GRAMD4: variants seen among roughly 807,000 people sequenced by gnomAD.
GRAMD4 encodes GRAM domain-containing protein 4.
A neutral mutation model predicts 83.9 loss-of-function variants in GRAMD4; 25 were observed. That is an observed-to-expected ratio of 0.30 (90% CI 0.22 to 0.42). The LOEUF is 0.42. Among genes scored for constraint, GRAMD4 ranks in the 10% least tolerant of loss-of-function variants. The pLI is 1.00. For missense variants in GRAMD4, 593 were observed against 788.7 expected (o/e 0.75, Z 2.97); for synonymous variants, 336 against 320.9 (o/e 1.05, Z -0.50).
At position 46,621,446 on chromosome 22, in the gene GRAMD4, G is replaced by A. The variant is rs547116211; in HGVS notation, c.-50+881G>A. ...GGGGGCTGCCCATGTGGCCGTGGAG[G>A]GCACCCCTACCCCGGTGCAGGCGCA... On this transcript the variant is annotated intron_variant, in intron 1 of 18. Coordinates refer to ENST00000406902, the MANE Select transcript of GRAMD4 (RefSeq NM_015124.5). This position sits in a 1 kb window ranked among gnomAD's most constrained non-coding sequence, Gnocchi z 5.8. Among the ~76,000 whole-genome samples, 9 of 152,292 alleles carry A rather than the reference G, an allele frequency of 5.9e-5. No individual in the cohort carries two copies. The highest frequency in any genetic ancestry group is 2.2e-4 in the African/African-American group (9 of 41,554).
chr22:46,664,522 C>G (rs1207592053), intron 8 of GRAMD4, among the ~76,000 whole-genome samples: 1 of 152,232 alleles, frequency 6.6e-6, no homozygotes, highest in African/African-American at 2.4e-5. Context: ...CCAGCCCAGC[C>G]CCTGTGAGCC....
intron 2 of GRAMD4, among the ~76,000 whole-genome samples, chr22:46,628,291 C>T (rs2081702965): frequency 6.6e-6 from 1 of 152,240 alleles, no homozygotes; most frequent in African/African-American, 2.4e-5. Flanking sequence ...GCCTGAGGGA[C>T]CCTGTGAGTA....
At position 46,644,708 on chromosome 22, in the gene GRAMD4, T is replaced by G. The variant is rs1423195462; in HGVS notation, c.283+6748T>G. ...TCCACTTGTTCCCTGTTTTTTTTTT[T>G]TTTTTTTTTTTTTTTTTTTTTTTTT... On this transcript the variant is annotated intron_variant, in intron 3 of 18. Coordinates refer to ENST00000406902, the MANE Select transcript of GRAMD4 (RefSeq NM_015124.5). Among the ~76,000 whole-genome samples the G allele has an allele frequency of 2.3e-3, 137 of 59,546 alleles. 1 individual carries two copies. The highest frequency in any genetic ancestry group is 3.6e-3 in the Non-Finnish European group (101 of 28,198). 39.1% of individuals were successfully genotyped at this position (59,546 alleles called of 152,430 possible). A position where few individuals can be genotyped will look rare whatever the true frequency, so the allele number is the denominator to read the frequency against.
intron 2 of GRAMD4, among the ~76,000 whole-genome samples, chr22:46,634,854 A>G (rs949225309): frequency 1.2e-4 from 18 of 152,028 alleles, no homozygotes; most frequent in African/African-American, 2.4e-5. Context: ...GAGGCAGGAG[A>G]ATCGCTTGAA....
upstream of GRAMD4, among the ~76,000 whole-genome samples, chr22:46,576,800 T>C (rs2081045649): frequency 7.4e-6 from 1 of 135,530 alleles, no homozygotes; most frequent in African/African-American, 2.8e-5. Flanking sequence ...CTCCCGCGGG[T>C]GAGCCCGTGG....
intron 1 of GRAMD4, among the ~76,000 whole-genome samples, chr22:46,588,542 C>G (rs1383224657): frequency 6.6e-6 from 1 of 152,212 alleles, no homozygotes; most frequent in Non-Finnish European, 1.5e-5. Context: ...ACGTTCTAAG[C>G]TTTTACAAGG....
chr22:46,649,719 C>G (rs2082136874), intron 3 of GRAMD4, among the ~76,000 whole-genome samples: 1 of 152,234 alleles, frequency 6.6e-6, no homozygotes, highest in South Asian at 2.1e-4. Context: ...TAAACATTAT[C>G]TCTGCACATA....
At chr22:46,588,734 G>A (rs529292301) in intron 1 of GRAMD4, among the ~76,000 whole-genome samples, 26 of 142,656 alleles carry the variant, frequency 1.8e-4, no homozygotes, top group African/African-American at 5.0e-4. Flanking sequence ...CTCCATCCCC[G>A]GGGTCCTTAG....
At chr22:46,642,770 T>C (rs2081990512) in intron 3 of GRAMD4, among the ~76,000 whole-genome samples, 1 of 152,220 alleles carries the variant, frequency 6.6e-6, no homozygotes, top group African/African-American at 2.4e-5. Flanking sequence ...AATTTTGACA[T>C]GATTTCAGAC....
At chr22:46,588,552 G>A (rs185826373) in intron 1 of GRAMD4, among the ~76,000 whole-genome samples, 1 of 152,308 alleles carries the variant, frequency 6.6e-6, no homozygotes, top group East Asian at 1.9e-4. Flanking sequence ...CTTTTACAAG[G>A]CCCCACCCTG....
chr22:46,625,384 A>T (rs1164116921), intron 1 of GRAMD4, among the ~76,000 whole-genome samples: 1 of 152,160 alleles, frequency 6.6e-6, no homozygotes, highest in Non-Finnish European at 1.5e-5. Context: ...GGCATGTAGG[A>T]GCTGGAGCTG....
chr22:46,676,783 G>T (rs2082605368), intron 18 of GRAMD4, 115 bp downstream of exon 18: 2 of 965,520 alleles, frequency 2.1e-6, no homozygotes, highest in Admixed American at 2.1e-5. Flanking sequence ...GGGCAGCAGG[G>T]TCACAAAGCC....
rs767738138 is a variant in GRAMD4 at position 46,668,938 on chromosome 22, T to G, written c.1084+30T>G. ...GTAGATGCACCTGCGGCCTGTAGCTTCAGGAGGAGGGACACAGGTGTCCGC... is the reference window on the plus strand; with the variant it reads ...GTAGATGCACCTGCGGCCTGTAGCTGCAGGAGGAGGGACACAGGTGTCCGC... On this transcript the variant is annotated intron_variant, in intron 13 of 18. Coordinates refer to ENST00000406902, the MANE Select transcript of GRAMD4 (RefSeq NM_015124.5). 4.7e-6 allele frequency: 6 copies of G among 1,271,076 alleles called. No individual in the cohort carries two copies. The Admixed American group carries it at 5.0e-5, about 11-fold the overall frequency. The allele number at this position is 1,271,076 out of a possible 1,614,324, so 78.7% of individuals were successfully genotyped here.
In GRAMD4 at chr22:46,672,383, C is replaced by T; in HGVS notation, c.1085-460C>T. On this transcript the variant is annotated intron_variant, in intron 13 of 18. Transcript: ENST00000406902. This position sits in a 1 kb window ranked among gnomAD's most constrained non-coding sequence, Gnocchi z 4.7. ...GGGATGGGCTGGGCGTGGGGGGGCA[C>T]CCAGTTGAAGAAGGGCAGGTGGGAG... Among the ~76,000 whole-genome samples the T allele has an allele frequency of 6.6e-6, 1 of 151,842 alleles. No individual in the cohort carries two copies. The highest frequency in any genetic ancestry group is 2.1e-4 in the South Asian group (1 of 4,802).
intron 5 of GRAMD4, 136 bp from the exon 6 acceptor site, chr22:46,662,904 A>C: frequency 8.3e-6 from 6 of 725,274 alleles, no homozygotes; most frequent in Non-Finnish European, 8.9e-6. Context: ...TCCCTGACCT[A>C]CCCCCGAGCA....
intron 11 of GRAMD4, 127 bp from the exon 12 acceptor site, chr22:46,668,562 G>A: frequency 1.1e-6 from 1 of 883,928 alleles, no homozygotes; most frequent in Non-Finnish European, 1.9e-6. Flanking sequence ...CCTAGGAGCA[G>A]CCGGGCAGGA....
At chr22:46,579,400 G>A (rs1393081899) in intron 1 of GRAMD4, among the ~76,000 whole-genome samples, 1 of 152,218 alleles carries the variant, frequency 6.6e-6, no homozygotes, top group Non-Finnish European at 1.5e-5. Flanking sequence ...TTCTGCTGTA[G>A]AATAGAATAG....
At chr22:46,607,442 T>C (rs1371682870) in intron 1 of GRAMD4, among the ~76,000 whole-genome samples, 3 of 152,090 alleles carry the variant, frequency 2.0e-5, no homozygotes, top group African/African-American at 7.2e-5. Context: ...GAACCAGCCC[T>C]CCACAGGCTG....
rs564181791 is a variant in GRAMD4 at position 46,662,199 on chromosome 22, C to T, written c.466+757C>T. Among the ~76,000 whole-genome samples, 15 of 152,342 alleles carry T rather than the reference C, an allele frequency of 9.8e-5. No homozygotes were observed. The South Asian group carries it at 2.1e-3, about 21-fold the overall frequency. ...GGCGGGAAGAAGCCGCAGGAGCCTG[C>T]CCTGGCCCCATCCTCCCTGCCCGGG... On this transcript the variant is annotated intron_variant, in intron 5 of 18. Coordinates refer to ENST00000406902, the MANE Select transcript of GRAMD4 (RefSeq NM_015124.5).
Sources: allele counts gnomAD v4.1 joint callset (sites outside exome capture counted in the v4.1 genomes callset), GRCh38; gene constraint gnomAD v4.1.1; non-coding constraint Gnocchi (gnomAD v3.1); transcripts MANE v1.5; gene names NCBI Gene and HGNC (gene_info 2026-07-23, HGNC 2026-07-21).